HPS4: variants seen among roughly 807,000 people sequenced by gnomAD.
HPS4 encodes the protein BLOC-3 complex member HPS4.
A neutral mutation model predicts 70.3 loss-of-function variants in HPS4; 44 were observed. The observed-to-expected ratio is 0.63, with a 90% CI of 0.49 to 0.80. The LOEUF (loss-of-function observed/expected upper bound fraction) is 0.80. Ranked by LOEUF, HPS4 falls within the 30% of genes least tolerant of loss-of-function variation. The probability of loss-of-function intolerance (pLI) is 0.00; values close to 1 mark genes in which losing one functional copy is unlikely to be tolerated. For missense variants in HPS4, 873 were observed against 884.4 expected (o/e 0.99, Z 0.16); for synonymous variants, 377 against 355.9 (o/e 1.06, Z -0.67).
At chr22:26,477,213 G>T in intron 3 of HPS4, 77 bp from the exon 4 acceptor site, 1 of 1,491,228 alleles carries the variant, frequency 6.7e-7, no homozygotes, top group Non-Finnish European at 9.3e-7. Flanking sequence ...GCATACTAAA[G>T]CCTGCAAGCC....
In HPS4 at chr22:26,465,518, G is replaced by A; in HGVS notation, c.740C>T (p.Pro247Leu). ...AALPPNVQII[P>L]VFVTKEEAIS... The stretch of plus-strand genomic sequence containing the variant: ...GGCTTCCTCTTTGGTCACAAAAACA[G>A]GGATAATCTGGACATTCGGGGGCAA... The change falls in exon 10 of 14, where the codon CCT becomes CTT. Residue 247 changes from proline (P) to leucine (L), a missense_variant. By Grantham distance (98) the Pro-to-Leu change is moderately conservative. Coordinates refer to ENST00000398145, the MANE Select transcript of HPS4 (RefSeq NM_022081.6). 2 of 1,614,168 alleles carry A rather than the reference G, an allele frequency of 1.2e-6. No individual in the cohort carries two copies. Among genetic ancestry groups the A allele is most frequent in the Non-Finnish European group, 1.7e-6 (2 of 1,179,998 alleles).
In HPS4 at chr22:26,478,388, T is replaced by C. The variant is rs113387683; in HGVS notation, c.132+877A>G. Among the ~76,000 whole-genome samples the C allele has an allele frequency of 9.2e-3, 1,391 of 151,392 alleles. 22 individuals are homozygous for C. The highest frequency in any genetic ancestry group is 0.032 in the African/African-American group (1,329 of 41,230). ...GAGATCGAGACCATCCTGGCTAACA[T>C]GGTAAAACCCCGTCCCTACTAAAAA... On this transcript the variant is annotated intron_variant, in intron 3 of 13. Transcript: ENST00000398145.
intron 4 of HPS4, among the ~76,000 whole-genome samples, chr22:26,474,834 C>T (rs1185050173): frequency 2.0e-5 from 3 of 152,208 alleles, no homozygotes; most frequent in Non-Finnish European, 2.9e-5. Flanking sequence ...AAAGGCCTCA[C>T]TATCATTAGT....
At chr22:26,469,283 C>CA (rs5844704) in intron 7 of HPS4, among the ~76,000 whole-genome samples, 73,178 of 105,520 alleles carry the variant, frequency 0.69, 25,314 homozygotes, top group East Asian at 0.81. Context: ...CCCATCTCTA[C>CA]AAAAAAAAAA....
chr22:26,466,661 T>C (rs1313482258), intron 8 of HPS4: 2 of 293,976 alleles, frequency 6.8e-6, no homozygotes, highest in Non-Finnish European at 1.3e-5. Context: ...ATAAATTCCA[T>C]TATAATAAAA....
intron 6 of HPS4, chr22:26,471,105 G>C: frequency 2.0e-6 from 1 of 499,008 alleles, no homozygotes; most frequent in Non-Finnish European, 3.7e-6. Flanking sequence ...AAAGTAGATG[G>C]CCTGGGAGAC....
At position 26,481,954 on chromosome 22, in the gene HPS4, C is replaced by A; in HGVS notation, c.-192G>T. 1 of 623,320 alleles carries A rather than the reference C, an allele frequency of 1.6e-6. No homozygotes were observed. Among genetic ancestry groups the A allele is most frequent in the Non-Finnish European group, 2.9e-6 (1 of 343,266 alleles). 38.6% of individuals were successfully genotyped at this position (623,320 alleles called of 1,614,324 possible). ...TGGAAAGTTCCACTTCCCTTCCTTG[C>A]AGGTTCTTCAGTTTCATGTATATTT... On this transcript the variant is annotated 5_prime_UTR_variant, in exon 2 of 14. Transcript: ENST00000398145.
rs140180754 is a variant in HPS4, at chr22:26,483,628, G to C, written c.-479+46C>G. 3,008 of 327,322 alleles carry C rather than the reference G, an allele frequency of 9.2e-3. 21 individuals are homozygous for C. The highest frequency in any genetic ancestry group is 0.013 in the Middle Eastern group (16 of 1,250). 20.3% of individuals were successfully genotyped at this position (327,322 alleles called of 1,614,324 possible). The stretch of plus-strand genomic sequence containing the variant: ...GGGGTCGGGTCACGCTCTAAGCTGG[G>C]GGCCCGCCCCTCGGTATCCCCGCGC... On this transcript the variant is annotated intron_variant, in intron 1 of 13. Coordinates refer to ENST00000398145, the MANE Select transcript of HPS4 (RefSeq NM_022081.6).
intron 2 of HPS4, 116 bp from the exon 3 acceptor site, chr22:26,479,471 CAGG>C: frequency 6.7e-7 from 1 of 1,503,216 alleles, no homozygotes; most frequent in Non-Finnish European, 8.9e-7. Flanking sequence ...TGAAAGCCTT[CAGG>C]TGGCCCCAGA....
At position 26,481,718 on chromosome 22, in the gene HPS4, TCAC is replaced by T. The variant is rs755970774; in HGVS notation, c.41+1_41+3del. ...GCTATGCCATGGCAGGCCTTGTTAC[TCAC>T]CACGAGGCTGACTTTGCCTCTGTGG... On this transcript the variant is annotated splice_donor_variant and splice_donor_region_variant and intron_variant, in intron 2 of 13. Transcript: ENST00000398145. LOFTEE classifies it high-confidence loss of function. 14 of 1,614,020 alleles carry T rather than the reference TCAC, an allele frequency of 8.7e-6. No homozygotes were observed. Among genetic ancestry groups the T allele is most frequent in the Non-Finnish European group, 1.2e-5 (14 of 1,179,832 alleles).
chr22:26,462,051 G>A (rs1301237725), intron 11 of HPS4, among the ~76,000 whole-genome samples: 1 of 151,918 alleles, frequency 6.6e-6, no homozygotes, highest in Non-Finnish European at 1.5e-5. Flanking sequence ...GCTTGAACCG[G>A]GGAGGCGGAG....
Position 26,457,210 on chromosome 22 carries a change from C to CCTTTTTTTTTTTTTTTTT in HPS4, c.1955+648_1955+649insAAAAAAAAAAAAAAAAAG, listed in dbSNP as rs386395106. On this transcript the variant is annotated intron_variant, in intron 13 of 13. Coordinates refer to ENST00000398145, the MANE Select transcript of HPS4 (RefSeq NM_022081.6). ...ATGACTGTATGATCAGCACGTATTACTTTTTTTTTTTTTTTTTTTTTTCTG... is the reference window on the plus strand; with the variant it reads ...ATGACTGTATGATCAGCACGTATTACCTTTTTTTTTTTTTTTTTTTTTTTTTTTTTTTTTTTTTTTCTG... Among the ~76,000 whole-genome samples, 6 of 25,554 alleles carry CCTTTTTTTTTTTTTTTTT rather than the reference C, an allele frequency of 2.3e-4. 3 individuals are homozygous for CCTTTTTTTTTTTTTTTTT. The highest frequency in any genetic ancestry group is 9.5e-4 in the Admixed American group (2 of 2,110). 16.8% of individuals were successfully genotyped at this position (25,554 alleles called of 152,430 possible). A position where few individuals can be genotyped will look rare whatever the true frequency, so the allele number is the denominator to read the frequency against.
chr22:26,481,820 T>C lies in HPS4; in HGVS notation c.-58A>G, dbSNP rs1481892489. ...AGGTTTTCTTTTCCGGTATCACTTC[T>C]TTCTCCCTAGCTGTGACCGTTCCTC... On this transcript the variant is annotated 5_prime_UTR_variant, in exon 2 of 14. Transcript: ENST00000398145. 1.6e-5 allele frequency: 24 copies of C among 1,531,128 alleles called. No individual in the cohort carries two copies. Among genetic ancestry groups the C allele is most frequent in the Non-Finnish European group, 2.1e-5 (23 of 1,104,532 alleles). 94.8% of individuals were successfully genotyped at this position (1,531,128 alleles called of 1,614,324 possible).
At position 26,470,207 on chromosome 22, in the gene HPS4, C is replaced by T. The variant is rs1220815589; in HGVS notation, c.596+512G>A. 2.0e-5 allele frequency among the ~76,000 whole-genome samples: 3 copies of T among 152,340 alleles called. No individual in the cohort carries two copies. In the East Asian group the frequency reaches 5.8e-4, roughly 29 times the overall value. The stretch of plus-strand genomic sequence containing the variant: ...CACTCAGATTCACCAAGAAGCCCTC[C>T]AACTACATGAAGAAGTGAAGTGAAT... On this transcript the variant is annotated intron_variant, in intron 7 of 13. Coordinates refer to ENST00000398145, the MANE Select transcript of HPS4 (RefSeq NM_022081.6).
intron 11 of HPS4, among the ~76,000 whole-genome samples, chr22:26,462,126 CAAAA>C (rs10711513): frequency 1.7e-4 from 23 of 137,004 alleles, no homozygotes; most frequent in South Asian, 6.9e-4. Flanking sequence ...AACTCCATCT[CAAAA>C]AAAAAAAAAA....
chr22:26,466,391 G>T, intron 8 of HPS4, 129 bp from the exon 9 acceptor site: 1 of 988,980 alleles, frequency 1.0e-6, no homozygotes, highest in Non-Finnish European at 1.6e-6. Flanking sequence ...CCAACCACAT[G>T]CTAAGAGCCA....
intron 4 of HPS4, chr22:26,476,456 C>T (rs916282465): frequency 6.4e-6 from 1 of 155,396 alleles, no homozygotes; most frequent in African/African-American, 2.4e-5. Flanking sequence ...TCAAGCAATC[C>T]TCCCCTCAGC....
Position 26,464,733 on chromosome 22 carries a change from G to A in HPS4, c.897C>T (p.Gly299=), listed in dbSNP as rs145373966. Residue 299 remains glycine (G), a synonymous_variant, in exon 11 of 14, where the codon GGC becomes GGT. Transcript: ENST00000398145. ...STSALKENAT[G]HVESMAWTTP... Reference sequence around the variant, plus strand: ...TGGTCCAGGCCATGGATTCCACATGGCCAGTGGCGTTTTCTTTCAGGGCAG... The same window carrying A: ...TGGTCCAGGCCATGGATTCCACATGACCAGTGGCGTTTTCTTTCAGGGCAG... 3.8e-6 allele frequency: 6 copies of A among 1,594,694 alleles called. No individual in the cohort carries two copies. In the African/African-American group the frequency reaches 8.1e-5, roughly 21 times the overall value.
intron 1 of HPS4, chr22:26,482,825 G>C (rs1410670256): frequency 6.6e-6 from 1 of 152,126 alleles, no homozygotes; most frequent in Non-Finnish European, 1.5e-5. Flanking sequence ...ACTAAAATCT[G>C]CGTTCCAGAT....
Sources: gnomAD v4.1 joint callset for allele counts (sites outside exome capture counted in the v4.1 genomes callset) on GRCh38, gnomAD v4.1.1 for gene constraint, MANE v1.5 for transcripts, NCBI Gene and HGNC (gene_info 2026-07-23, HGNC 2026-07-21) for gene names.